The following CRLF1 variants were observed in gnomAD, a reference collection of about 807,000 sequenced individuals.
CRLF1 encodes the protein cytokine receptor-like factor 1.
A neutral mutation model predicts 48.9 loss-of-function variants in CRLF1; 36 were observed. The observed-to-expected ratio is 0.74, with a 90% CI of 0.56 to 0.97. The LOEUF is 0.97. Ranked by LOEUF, CRLF1 falls within the 50% of genes least tolerant of loss-of-function variation. The pLI is 0.00. For missense variants in CRLF1, 534 were observed against 575.1 expected, an observed-to-expected ratio of 0.93 and a Z score of 0.73; for synonymous variants, 256 against 253.4, an observed-to-expected ratio of 1.01 and a Z score of -0.10.
In CRLF1 at chr19:18,606,431, T is replaced by G; in HGVS notation, c.115+111A>C. On this transcript the variant is annotated intron_variant, in intron 1 of 8. Transcript: ENST00000392386. The surrounding 1 kb of genome is among the most constrained non-coding windows in gnomAD (Gnocchi z 4.8). ...AGGGCTGCGCCGGGGGCGCCTTCCT[T>G]TGTTCCCCGGCCGTCCAGGTGGCGC... 14 of 826,250 alleles carry G rather than the reference T, an allele frequency of 1.7e-5. No individual in the cohort carries two copies. The highest frequency in any genetic ancestry group is 5.6e-5 in the South Asian group (1 of 17,758). The allele number at this position is 826,250 out of a possible 1,614,324, so 51.2% of individuals were successfully genotyped here. A position where few individuals can be genotyped will look rare whatever the true frequency, so the allele number is the denominator to read the frequency against.
At chr19:18,605,957 C>G (rs998546331) in intron 1 of CRLF1, among the ~76,000 whole-genome samples, 1 of 152,094 alleles carries the variant, frequency 6.6e-6, no homozygotes, top group Non-Finnish European at 1.5e-5. Context: ...TAAGCGCCGC[C>G]GGTGGCGGGG....
At position 18,606,736 on chromosome 19, in the gene CRLF1, G is replaced by C. The variant is rs1221693079; in HGVS notation, c.-80C>G. ...AGGGCGCGGGACGCAGGCCGGGCGC[G>C]GGAGGGCGCGGGCCAGGCCGCCCGC... On this transcript the variant is annotated 5_prime_UTR_variant, in exon 1 of 9. Coordinates refer to ENST00000392386, the MANE Select transcript of CRLF1 (RefSeq NM_004750.5). The surrounding 1 kb of genome is among the most constrained non-coding windows in gnomAD (Gnocchi z 4.8). 6.2e-6 allele frequency: 1 copy of C among 162,510 alleles called. No homozygotes were observed. 10.1% of individuals were successfully genotyped at this position (162,510 alleles called of 1,614,324 possible).
intron 1 of CRLF1, among the ~76,000 whole-genome samples, chr19:18,601,808 C>T (rs563931297): frequency 6.6e-6 from 1 of 152,270 alleles, no homozygotes; most frequent in African/African-American, 2.4e-5. Context: ...GAAAAAACTC[C>T]GGCTCTGAAA....
intron 1 of CRLF1, among the ~76,000 whole-genome samples, chr19:18,601,816 A>T (rs1030862779): frequency 2.6e-4 from 39 of 152,152 alleles, no homozygotes; most frequent in African/African-American, 9.4e-4. Context: ...TCCGGCTCTG[A>T]AAGATGGAGT....
chr19:18,601,069 G>T (rs1976214828), intron 1 of CRLF1, among the ~76,000 whole-genome samples: 1 of 152,216 alleles, frequency 6.6e-6, no homozygotes, highest in Admixed American at 6.5e-5. Flanking sequence ...GCCTCCCAAA[G>T]TCCTGGGATC....
At chr19:18,605,469 C>A (rs1042873309) in intron 1 of CRLF1, among the ~76,000 whole-genome samples, 2 of 152,208 alleles carry the variant, frequency 1.3e-5, no homozygotes, top group African/African-American at 4.8e-5. Context: ...CGTGGAGTGA[C>A]TGAACATCTG....
chr19:18,598,708 C>A, intron 3 of CRLF1, 64 bp downstream of exon 3: 2 of 1,613,710 alleles, frequency 1.2e-6, no homozygotes. Context: ...CAGAGAGGGT[C>A]CGCGTTGGTC....
At chr19:18,595,748 C>T (rs1031037648) in intron 6 of CRLF1, among the ~76,000 whole-genome samples, 1 of 152,198 alleles carries the variant, frequency 6.6e-6, no homozygotes, top group Non-Finnish European at 1.5e-5. Flanking sequence ...TAACAGCTTT[C>T]GTTTCATTTC....
At chr19:18,594,030 G>GGGTGGGC in intron 8 of CRLF1, 35 bp downstream of exon 8, 3 of 1,315,306 alleles carry the variant, frequency 2.3e-6, no homozygotes, top group Non-Finnish European at 3.2e-6. Context: ...CCCTCCCCTT[G>GGGTGGGC]CTCCCTCCCG....
At chr19:18,596,142 CT>C (rs925080612) in intron 6 of CRLF1, among the ~76,000 whole-genome samples, 45 of 151,844 alleles carry the variant, frequency 3.0e-4, no homozygotes, top group Non-Finnish European at 5.3e-4. Context: ...GTTGGTCAAA[CT>C]TTTTTTTTGT....
At chr19:18,594,159 A>G in intron 7 of CRLF1, 52 bp from the exon 8 acceptor site, 1 of 1,592,704 alleles carries the variant, frequency 6.3e-7, no homozygotes, top group Non-Finnish European at 8.5e-7. Flanking sequence ...ACCTGCGTCC[A>G]CAGCCTGCTG....
In CRLF1 at chr19:18,599,665, G is replaced by A. The variant is rs751239369; in HGVS notation, c.297C>T (p.Ala99=). Residue 99 remains alanine, a synonymous_variant, in exon 2 of 9, where the codon GCC becomes GCT. Transcript: ENST00000392386. ...GCCTGGACCCATTGAGGTTGGCCAG[G>A]GCCAGAGCCAAGGTGGAGGCGTTGA... The part of the protein sequence containing the change: ...RVLNASTLAL[A]LANLNGSRQR... The A allele has an allele frequency of 1.2e-6, 2 of 1,613,402 alleles. No individual in the cohort carries two copies. Among genetic ancestry groups the A allele is most frequent in the South Asian group, 2.2e-5 (2 of 91,034 alleles).
In CRLF1 at chr19:18,599,607, G is replaced by A. The variant is rs775855897; in HGVS notation, c.355C>T (p.Arg119Cys). The A allele has an allele frequency of 2.4e-5, 38 of 1,613,056 alleles. No homozygotes were observed. The highest frequency in any genetic ancestry group is 1.7e-4 in the Middle Eastern group (1 of 5,804). Reference sequence around the variant, plus strand: ...GAGCCAGCCAGGATGCTGCCGTCACGGGCGTGGCACACGAGGTTGTCCCCC... The same window carrying A: ...GAGCCAGCCAGGATGCTGCCGTCACAGGCGTGGCACACGAGGTTGTCCCCC... ...RSGDNLVCHA[R>C]DGSILAGSCL... The change falls in exon 2 of 9, where the codon CGT becomes TGT. Residue 119 changes from arginine (R) to cysteine (C), a missense_variant. Around this residue, in one of 2 missense-constraint regions of CRLF1, gnomAD observed 528 missense variants for 555.7 expected, o/e 0.95. Transcript: ENST00000392386.
In CRLF1 at chr19:18,594,096, G is replaced by A. The variant is rs1302066388; in HGVS notation, c.1224C>T (p.Ile408=). ...CCGTGCCCCGTCTGCCCGAGGGCAG[G>A]ATCCCCTCGTCCTGTGCTTGGAAGG... ...SHKTRNQDEG[I]LPSGRRGTAR... is the part of the protein sequence containing the mutation. The change falls in exon 8 of 9, where the codon ATC becomes ATT. Residue 408 remains isoleucine (I), a synonymous_variant. Coordinates refer to ENST00000392386, the MANE Select transcript of CRLF1 (RefSeq NM_004750.5). 2 of 1,528,416 alleles carry A rather than the reference G, an allele frequency of 1.3e-6. No homozygotes were observed. The highest frequency in any genetic ancestry group is 1.8e-6 in the Non-Finnish European group (2 of 1,131,928). 94.7% of individuals were successfully genotyped at this position (1,528,416 alleles called of 1,614,324 possible).
intron 6 of CRLF1, among the ~76,000 whole-genome samples, chr19:18,595,124 G>A (rs1338716802): frequency 6.6e-6 from 1 of 152,216 alleles, no homozygotes; most frequent in Admixed American, 6.5e-5. Flanking sequence ...GCAGGCCGGC[G>A]GATAAGGACA....
At chr19:18,600,798 C>T (rs1600654937) in intron 1 of CRLF1, among the ~76,000 whole-genome samples, 1 of 151,844 alleles carries the variant, frequency 6.6e-6, no homozygotes, top group African/African-American at 2.4e-5. Context: ...TACACCCAGG[C>T]ATGCTTTGCT....
chr19:18,593,398 GC>G lies in CRLF1; in HGVS notation c.*167del. 2 of 882,544 alleles carry G rather than the reference GC, an allele frequency of 2.3e-6. No individual in the cohort carries two copies. The highest frequency in any genetic ancestry group is 3.4e-5 in the South Asian group (2 of 58,896). 54.7% of individuals were successfully genotyped at this position (882,544 alleles called of 1,614,324 possible). On this transcript the variant is annotated 3_prime_UTR_variant, in exon 9 of 9. Coordinates refer to ENST00000392386, the MANE Select transcript of CRLF1 (RefSeq NM_004750.5). Reference sequence around the variant, plus strand: ...ACCCACTGGGGTGCACCCAAAGGTGGCCTCACGTGGGAGTCAGAGCTGTTAT... The same window carrying G: ...ACCCACTGGGGTGCACCCAAAGGTGGCTCACGTGGGAGTCAGAGCTGTTAT...
chr19:18,601,911 G>A (rs1274258030), intron 1 of CRLF1, among the ~76,000 whole-genome samples: 8 of 152,172 alleles, frequency 5.3e-5, no homozygotes, highest in Admixed American at 5.2e-4. Context: ...GCCTACCTCT[G>A]GAACTAAAGG....
At position 18,598,913 on chromosome 19, in the gene CRLF1, G is replaced by A; in HGVS notation, c.398-12C>T. ...TTTCTCTGGGGGCACTGGGAGAAGG[G>A]GAGGGTGCAGGAAGCAGGCTGAGGG... is the stretch of plus-strand genomic sequence containing the variant. On this transcript the variant is annotated splice_polypyrimidine_tract_variant and intron_variant, in intron 2 of 8. Transcript: ENST00000392386. 2 of 1,613,600 alleles carry A rather than the reference G, an allele frequency of 1.2e-6. No homozygotes were observed. The highest frequency in any genetic ancestry group is 1.7e-6 in the Non-Finnish European group (2 of 1,179,864).
Sources: gnomAD v4.1 joint callset for allele counts (sites outside exome capture counted in the v4.1 genomes callset) on GRCh38, gnomAD v4.1.1 for gene constraint, gnomAD v4.1.1 regional missense constraint, Gnocchi (gnomAD v3.1) non-coding constraint, MANE v1.5 for transcripts, NCBI Gene and HGNC (gene_info 2026-07-23, HGNC 2026-07-21) for gene names.